DENND6A: variants seen among roughly 807,000 people sequenced by gnomAD.
DENND6A encodes the protein DENN domain containing 6A.
A neutral mutation model predicts 95.5 loss-of-function variants in DENND6A; 43 were observed. That is an observed-to-expected ratio of 0.45 (90% CI 0.35 to 0.58). The LOEUF is 0.58. DENND6A is among the 20% of genes least tolerant of loss of function. DENND6A has a pLI of 0.00. For synonymous variants in DENND6A, 257 were observed against 260.4 expected (o/e 0.99, Z 0.13); for missense variants, 574 against 736.0 (o/e 0.78, Z 2.55).
intron 18 of DENND6A, 159 bp downstream of exon 18, chr3:57,630,262 C>T: frequency 1.8e-6 from 1 of 566,882 alleles, no homozygotes; most frequent in Non-Finnish European, 2.9e-6. Context: ...CTATATAAAG[C>T]CCCTATAATG....
At chr3:57,684,580 T>A (rs1421230161) in intron 1 of DENND6A, among the ~76,000 whole-genome samples, 3 of 151,746 alleles carry the variant, frequency 2.0e-5, no homozygotes, top group Admixed American at 2.0e-4. Flanking sequence ...GGCCAGGAGT[T>A]CAAGACCAGT....
intron 1 of DENND6A, among the ~76,000 whole-genome samples, chr3:57,689,439 C>T (rs958184996): frequency 1.4e-4 from 22 of 152,052 alleles, no homozygotes; most frequent in African/African-American, 4.8e-4. Flanking sequence ...AGGTTTCAAA[C>T]CTTGTTCCAG....
intron 3 of DENND6A, among the ~76,000 whole-genome samples, chr3:57,667,479 G>A (rs988454182): frequency 1.3e-5 from 2 of 151,994 alleles, no homozygotes; most frequent in African/African-American, 4.8e-5. Context: ...TTTTATATTT[G>A]TACAAACATA....
chr3:57,645,550 A>C lies in DENND6A; in HGVS notation c.1037+111T>G, dbSNP rs190696624. Reference sequence around the variant, plus strand: ...AAAATTATTTCCAGCAGCTCCTCAAACTTTCCTTTTATAAGATCATTCTGC... The same window carrying C: ...AAAATTATTTCCAGCAGCTCCTCAACCTTTCCTTTTATAAGATCATTCTGC... On this transcript the variant is annotated intron_variant, in intron 11 of 19. Transcript: ENST00000311128. The C allele has an allele frequency of 2.9e-5, 20 of 698,462 alleles. No individual in the cohort carries two copies. In the African/African-American group the frequency reaches 2.9e-4, roughly 10 times the overall value. The allele number at this position is 698,462 out of a possible 1,614,324, so 43.3% of individuals were successfully genotyped here. A position where few individuals can be genotyped will look rare whatever the true frequency, so the allele number is the denominator to read the frequency against.
chr3:57,652,164 G>A (rs1219019001), intron 9 of DENND6A, among the ~76,000 whole-genome samples: 1 of 152,230 alleles, frequency 6.6e-6, no homozygotes, highest in Non-Finnish European at 1.5e-5. Flanking sequence ...TGGTTTGATT[G>A]TAATTAACAG....
At chr3:57,648,167 G>A (rs1456898166) in intron 9 of DENND6A, among the ~76,000 whole-genome samples, 3 of 152,046 alleles carry the variant, frequency 2.0e-5, no homozygotes, top group Admixed American at 6.6e-5. Context: ...CAAAGTTTCC[G>A]AATACAAAAT....
intron 8 of DENND6A, 51 bp downstream of exon 8, chr3:57,659,067 G>A (rs754290253): frequency 3.8e-6 from 6 of 1,567,734 alleles, no homozygotes; most frequent in Non-Finnish European, 5.2e-6. Flanking sequence ...TAAAAATTCT[G>A]TTAAAGAGAC....
Position 57,666,230 on chromosome 3 carries a change from G to A in DENND6A, c.325C>T (p.Leu109Phe). The A allele has an allele frequency of 6.2e-7, 1 of 1,609,482 alleles. No individual in the cohort carries two copies. The highest frequency in any genetic ancestry group is 1.1e-5 in the South Asian group (1 of 90,632). ...CTAAAACAAAACTGGGTATCTCCAA[G>A]ACAACCTAATGAAAATAAAAATGAA... ...LSFPDSNSGCLGDTQFCFRFR... is the reference protein window; with the variant it reads ...LSFPDSNSGCFGDTQFCFRFR... Residue 109 changes from leucine (L) to phenylalanine (F), a missense_variant, in exon 4 of 20, where the codon CTT becomes TTT. Transcript: ENST00000311128.
intron 8 of DENND6A, 37 bp downstream of exon 8, chr3:57,659,081 A>G (rs2071378719): frequency 1.2e-6 from 2 of 1,602,758 alleles, no homozygotes; most frequent in African/African-American, 2.7e-5. Flanking sequence ...AAGAGACTAT[A>G]TATGTGCTGG....
At chr3:57,663,819 T>C (rs1228500758) in intron 4 of DENND6A, 103 bp from the exon 5 acceptor site, 8 of 594,920 alleles carry the variant, frequency 1.3e-5, no homozygotes, top group East Asian at 3.4e-5. Flanking sequence ...CAGGCTCCTT[T>C]ATAAACCCAA....
intron 18 of DENND6A, 122 bp downstream of exon 18, chr3:57,630,298 GA>G: frequency 1.2e-6 from 1 of 811,128 alleles, no homozygotes; most frequent in Non-Finnish European, 1.8e-6. Flanking sequence ...ACATGATCTA[GA>G]AAAGTTAGTC....
At chr3:57,633,469 T>C (rs1352220871) in intron 14 of DENND6A, 115 bp from the exon 15 acceptor site, 1 of 842,026 alleles carries the variant, frequency 1.2e-6, no homozygotes, top group African/African-American at 1.7e-5. Context: ...TTTAAAAAAC[T>C]AGAACTTCAC....
At chr3:57,680,025 T>C (rs1398701018) in intron 1 of DENND6A, among the ~76,000 whole-genome samples, 2 of 152,186 alleles carry the variant, frequency 1.3e-5, no homozygotes, top group East Asian at 3.8e-4. Flanking sequence ...GACTGTATGT[T>C]CTTTGAAGCA....
chr3:57,663,240 G>A (rs1271577521), intron 5 of DENND6A, among the ~76,000 whole-genome samples: 1 of 150,070 alleles, frequency 6.7e-6, no homozygotes, highest in Non-Finnish European at 1.5e-5. Context: ...GCTGAGGCAT[G>A]TGGATCACAA....
At position 57,627,357 on chromosome 3, in the gene DENND6A, T is replaced by C. The variant is rs2070554318; in HGVS notation, c.*857A>G. ...CGGGGTTTCACCATGTTGGCCAGGC[T>C]GGTCTTGGACTCTCGACCTTAAGTG... On this transcript the variant is annotated 3_prime_UTR_variant, in exon 20 of 20. Coordinates refer to ENST00000311128, the MANE Select transcript of DENND6A (RefSeq NM_152678.3). 6.6e-6 allele frequency: 1 copy of C among 152,222 alleles called. No homozygotes were observed. The highest frequency in any genetic ancestry group is 2.4e-5 in the African/African-American group (1 of 41,458). 9.4% of individuals were successfully genotyped at this position (152,222 alleles called of 1,614,324 possible).
chr3:57,633,509 T>G (rs1001442336), intron 14 of DENND6A, among the ~76,000 whole-genome samples, 155 bp from the exon 15 acceptor site: 2 of 152,226 alleles, frequency 1.3e-5, no homozygotes, highest in South Asian at 4.1e-4. Flanking sequence ...AAGTTCATTG[T>G]GCAATATCCT....
intron 11 of DENND6A, among the ~76,000 whole-genome samples, chr3:57,642,735 T>C (rs1368629946): frequency 2.0e-5 from 3 of 151,944 alleles, no homozygotes; most frequent in East Asian, 1.9e-4. Flanking sequence ...CCAGGCGCGG[T>C]GGCTCACGCC....
intron 18 of DENND6A, among the ~76,000 whole-genome samples, chr3:57,629,757 C>T (rs1416195981): frequency 1.3e-5 from 2 of 151,364 alleles, no homozygotes; most frequent in Admixed American, 6.6e-5. Context: ...CTCCTGACCT[C>T]GTGATCCACC....
rs528238658 is a variant in DENND6A, at chr3:57,687,349, C to T, written c.237+5433G>A. ...AGCGCAACTCTTTTCAATTCTGTTA[C>T]GGCTGAGAGAGGTGATGAATCCGCA... On this transcript the variant is annotated intron_variant, in intron 1 of 19. Transcript: ENST00000311128. Among the ~76,000 whole-genome samples, 28 of 152,258 alleles carry T rather than the reference C, an allele frequency of 1.8e-4. 1 individual carries two copies. In the South Asian group the frequency reaches 3.3e-3, roughly 18 times the overall value.
Sources: gnomAD v4.1 joint callset for allele counts (sites outside exome capture counted in the v4.1 genomes callset) on GRCh38, gnomAD v4.1.1 for gene constraint, MANE v1.5 for transcripts, NCBI Gene and HGNC (gene_info 2026-07-23, HGNC 2026-07-21) for gene names.